Variants in THUMPD2 observed in about 807,000 individuals in gnomAD.
THUMPD2 encodes the protein THUMP domain 2 tRNA and snRNA guanosine methyltransferase.
A neutral mutation model predicts 49.4 loss-of-function variants in THUMPD2; 56 were observed. The ratio of observed to expected loss-of-function variants is 1.13; its 90% CI spans 0.91 to 1.41. The LOEUF is 1.41. Among genes scored for constraint, THUMPD2 ranks in the 40% most tolerant of loss-of-function variants. THUMPD2 has a pLI of 0.00. For missense variants in THUMPD2, 709 were observed against 594.5 expected (o/e 1.19, Z -2.00); for synonymous variants, 237 against 205.2 (o/e 1.15, Z -1.32).
At chr2:39,774,730 C>G (rs1271582978) in intron 1 of THUMPD2, among the ~76,000 whole-genome samples, 1 of 152,104 alleles carries the variant, frequency 6.6e-6, no homozygotes. Flanking sequence ...ATACAACACT[C>G]AGAGAAATAA....
chr2:39,771,964 T>C (rs1678382266), intron 1 of THUMPD2, among the ~76,000 whole-genome samples: 1 of 152,178 alleles, frequency 6.6e-6, no homozygotes, highest in African/African-American at 2.4e-5. Flanking sequence ...ATATCCTGAA[T>C]AATAACAGAC....
chr2:39,764,741 G>A (rs1459880430), intron 5 of THUMPD2, among the ~76,000 whole-genome samples: 2 of 151,986 alleles, frequency 1.3e-5, no homozygotes, highest in Admixed American at 6.6e-5. Flanking sequence ...TTCATGTCCC[G>A]GTAAATTGTT....
chr2:39,762,734 C>G (rs1038126351), intron 5 of THUMPD2, among the ~76,000 whole-genome samples: 2 of 150,144 alleles, frequency 1.3e-5, no homozygotes, highest in Non-Finnish European at 1.5e-5. Context: ...TTATAAAACA[C>G]AGTTTGCATT....
intron 1 of THUMPD2, among the ~76,000 whole-genome samples, chr2:39,773,583 A>AAT (rs972290867): frequency 9.0e-5 from 12 of 134,022 alleles, no homozygotes; most frequent in South Asian, 2.2e-4. Context: ...ATATTTTAAA[A>AAT]ATATATATAT....
intron 4 of THUMPD2, 48 bp from the exon 5 acceptor site, chr2:39,766,157 C>T (rs767345662): frequency 2.2e-6 from 3 of 1,345,028 alleles, no homozygotes; most frequent in Middle Eastern, 1.8e-4. Flanking sequence ...AACTTCATTA[C>T]CAAATTACTG....
At chr2:39,738,851 G>A (rs1400480104) in intron 9 of THUMPD2, among the ~76,000 whole-genome samples, 1 of 151,984 alleles carries the variant, frequency 6.6e-6, no homozygotes, top group Non-Finnish European at 1.5e-5. Context: ...AGGAAGCAGA[G>A]GTGTCAAGTG....
rs189627964 is a variant in THUMPD2, at chr2:39,739,795, A to T, written c.1188-2736T>A. Among the ~76,000 whole-genome samples, 5 of 152,342 alleles carry T rather than the reference A, an allele frequency of 3.3e-5. No individual in the cohort carries two copies. In the East Asian group the frequency reaches 9.6e-4, roughly 29 times the overall value. ...TGAGAGGATAAACCCTTGCAGGAAG[A>T]GGGAAGCCTCTTCTACTGAGCAAGG... On this transcript the variant is annotated intron_variant, in intron 9 of 9. Transcript: ENST00000505747.
intron 1 of THUMPD2, among the ~76,000 whole-genome samples, chr2:39,776,693 A>T (rs1368606959): frequency 6.6e-6 from 1 of 152,176 alleles, no homozygotes; most frequent in Non-Finnish European, 1.5e-5. Context: ...ACCAGGCTGG[A>T]TTCGGCATAC....
At chr2:39,772,281 T>C (rs1487316072) in intron 1 of THUMPD2, among the ~76,000 whole-genome samples, 1 of 152,178 alleles carries the variant, frequency 6.6e-6, no homozygotes, top group East Asian at 1.9e-4. Flanking sequence ...ATGGATAAAG[T>C]AGTTTAGGCC....
chr2:39,736,825 G>A lies in THUMPD2; in HGVS notation c.1422C>T (p.Ser474=), dbSNP rs372980648. Residue 474 remains serine (S), a synonymous_variant, in exon 10 of 10, where the codon TCC becomes TCT. Coordinates refer to ENST00000505747, the MANE Select transcript of THUMPD2 (RefSeq NM_025264.5). The part of the protein sequence containing the change: ...KFLDRMSPFG[S]LVPVECYKVS... ...CTTTGTAGCATTCCACTGGTACCAA[G>A]GAGCCAAATGGTGACATTCTGTCTA... 1.2e-6 allele frequency: 2 copies of A among 1,614,080 alleles called. No individual in the cohort carries two copies. Among genetic ancestry groups the A allele is most frequent in the African/African-American group, 2.7e-5 (2 of 74,936 alleles).
At chr2:39,737,273 T>C (rs559333211) in intron 9 of THUMPD2, among the ~76,000 whole-genome samples, 1 of 104,428 alleles carries the variant, frequency 9.6e-6, no homozygotes, top group East Asian at 4.8e-4. Flanking sequence ...ATTATCTATT[T>C]TTACTCAAAA....
intron 5 of THUMPD2, 81 bp from the exon 6 acceptor site, chr2:39,761,499 G>T: frequency 1.6e-6 from 2 of 1,280,282 alleles, no homozygotes; most frequent in Non-Finnish European, 2.3e-6. Flanking sequence ...CCAAATCTGA[G>T]AATCATTTAA....
chr2:39,753,338 C>T (rs550926208), intron 8 of THUMPD2, among the ~76,000 whole-genome samples: 1 of 152,132 alleles, frequency 6.6e-6, no homozygotes, highest in African/African-American at 2.4e-5. Flanking sequence ...TATCTTTCTT[C>T]CCCGGATTTT....
chr2:39,770,104 T>G lies in THUMPD2; in HGVS notation c.278A>C (p.Glu93Ala). Residue 93 changes from glutamate (E) to alanine (A), a missense_variant, in exon 3 of 10, where the codon GAA becomes GCA. Transcript: ENST00000505747. ...ATCTTCATTTATAAGTCTTTGCATT[T>G]CATTAAATATTTTTCCTAAATAAGA... ...SSVSKGKIFN[E>A]MQRLINEDPG... is the part of the protein sequence containing the mutation. 1 of 1,488,406 alleles carries G rather than the reference T, an allele frequency of 6.7e-7. No homozygotes were observed. The highest frequency in any genetic ancestry group is 1.5e-5 in the South Asian group (1 of 67,268). The allele number at this position is 1,488,406 out of a possible 1,614,324, so 92.2% of individuals were successfully genotyped here.
chr2:39,736,796 C>A lies in THUMPD2; in HGVS notation c.1451G>T (p.Ser484Ile). 1.2e-6 allele frequency: 2 copies of A among 1,614,180 alleles called. No individual in the cohort carries two copies. Among genetic ancestry groups the A allele is most frequent in the South Asian group, 2.2e-5 (2 of 91,086 alleles). ...TATGAACGCATCTGTCTTTCCAAGG[C>A]TAACTTTGTAGCATTCCACTGGTAC... The part of the protein sequence containing the change: ...SLVPVECYKV[S>I]LGKTDAFICK... Residue 484 changes from serine (S) to isoleucine (I), a missense_variant, in exon 10 of 10, where the codon AGC (serine) becomes ATC (isoleucine). Transcript: ENST00000505747.
chr2:39,773,551 A>AT (rs1480298019), intron 1 of THUMPD2, among the ~76,000 whole-genome samples: 33 of 127,976 alleles, frequency 2.6e-4, no homozygotes, highest in Non-Finnish European at 3.8e-4. Flanking sequence ...ATATATTTAT[A>AT]TTTAAAAATA....
chr2:39,776,186 C>G (rs1679067325), intron 1 of THUMPD2, among the ~76,000 whole-genome samples: 1 of 152,116 alleles, frequency 6.6e-6, no homozygotes, highest in Admixed American at 6.5e-5. Flanking sequence ...TCAAAGTAGT[C>G]TAAGTGATAT....
intron 6 of THUMPD2, among the ~76,000 whole-genome samples, chr2:39,759,282 A>G (rs1248763536): frequency 6.6e-6 from 1 of 152,016 alleles, no homozygotes; most frequent in Non-Finnish European, 1.5e-5. Context: ...AATTTTTATA[A>G]TTATATATTT....
intron 8 of THUMPD2, among the ~76,000 whole-genome samples, chr2:39,750,191 T>C (rs974564603): frequency 1.3e-5 from 2 of 152,196 alleles, no homozygotes; most frequent in Non-Finnish European, 1.5e-5. Flanking sequence ...TTCCCAACGG[T>C]TGAAGTCATT....
Sources: gnomAD v4.1 joint callset for allele counts (sites outside exome capture counted in the v4.1 genomes callset) on GRCh38, gnomAD v4.1.1 for gene constraint, MANE v1.5 for transcripts, NCBI Gene and HGNC (gene_info 2026-07-23, HGNC 2026-07-21) for gene names.